The following TMEM74 variants were observed in gnomAD, a reference collection of about 807,000 sequenced individuals.
TMEM74 encodes transmembrane protein 74.
Under a neutral mutation model 18.1 loss-of-function variants are expected in TMEM74, and 13 were observed. The ratio of observed to expected loss-of-function variants is 0.72; its 90% CI spans 0.47 to 1.14. The LOEUF is 1.14. Among genes scored for constraint, TMEM74 ranks in the 50% most tolerant of loss-of-function variants. The probability of loss-of-function intolerance (pLI) is 0.00; values close to 1 mark genes in which losing one functional copy is unlikely to be tolerated. For missense variants in TMEM74, 372 were observed against 375.9 expected (o/e 0.99, Z 0.09); for synonymous variants, 159 against 146.6 (o/e 1.08, Z -0.61).
chr8:108,726,261 A>G (rs1813637692), intron 1 of TMEM74, among the ~76,000 whole-genome samples: 1 of 152,212 alleles, frequency 6.6e-6, no homozygotes, highest in African/African-American at 2.4e-5. Flanking sequence ...GGAGGAAAGC[A>G]TATAAATGAG....
intron 1 of TMEM74, among the ~76,000 whole-genome samples, chr8:108,715,282 G>A (rs924094020): frequency 6.6e-6 from 1 of 151,890 alleles, no homozygotes; most frequent in African/African-American, 2.4e-5. Flanking sequence ...CTAGTGGGAG[G>A]AGGGAGGCGA....
At chr8:108,629,281 A>G (rs1390689881) in intron 2 of TMEM74, among the ~76,000 whole-genome samples, 2 of 152,110 alleles carry the variant, frequency 1.3e-5, no homozygotes, top group African/African-American at 4.8e-5. Context: ...ACAAGATTAG[A>G]GAAAAAAGAA....
chr8:108,677,546 G>GTT (rs11294973), intron 1 of TMEM74, among the ~76,000 whole-genome samples: 3 of 144,862 alleles, frequency 2.1e-5, no homozygotes, highest in Non-Finnish European at 3.0e-5. Flanking sequence ...GTATTCTGTT[G>GTT]TTTTTTTTTT....
chr8:108,773,512 G>A (rs560616326), intron 1 of TMEM74, among the ~76,000 whole-genome samples: 25 of 152,228 alleles, frequency 1.6e-4, no homozygotes, highest in Middle Eastern at 3.4e-3. Context: ...CCCCTAAAAC[G>A]GTAGAGCCTA....
chr8:108,625,689 G>A (rs1182379784), intron 2 of TMEM74, among the ~76,000 whole-genome samples: 4 of 151,864 alleles, frequency 2.6e-5, no homozygotes, highest in Admixed American at 2.6e-4. Context: ...TGCCTACACT[G>A]TTGCCCACTA....
At chr8:108,754,647 GTAGGTAGGTAGGTAGCTAGGTAGC>G (rs1381003600) in intron 1 of TMEM74, among the ~76,000 whole-genome samples, 3 of 139,340 alleles carry the variant, frequency 2.2e-5, no homozygotes, top group African/African-American at 5.2e-5. Context: ...GGATAGGTAG[GTAGGTAGGTAGGTAGCTAGGTAGC>G]TAGGTAGCTA....
chr8:108,616,411 G>A (rs763905610), intron 2 of TMEM74, among the ~76,000 whole-genome samples: 10 of 152,178 alleles, frequency 6.6e-5, no homozygotes, highest in African/African-American at 2.4e-4. Flanking sequence ...TAGAATCCCA[G>A]TTGAACATTT....
intron 2 of TMEM74, among the ~76,000 whole-genome samples, chr8:108,648,315 A>T (rs1013439387): frequency 6.6e-6 from 1 of 152,110 alleles, no homozygotes; most frequent in Non-Finnish European, 1.5e-5. Flanking sequence ...TTTTATGAGC[A>T]TGAGCAAGCC....
At chr8:108,771,622 A>G (rs374457510) in intron 1 of TMEM74, among the ~76,000 whole-genome samples, 1 of 152,176 alleles carries the variant, frequency 6.6e-6, no homozygotes, top group East Asian at 1.9e-4. Context: ...CTTTATAAAC[A>G]TTTCTCCAGA....
chr8:108,719,244 T>G (rs1813560866), intron 1 of TMEM74, among the ~76,000 whole-genome samples: 1 of 152,062 alleles, frequency 6.6e-6, no homozygotes, highest in Non-Finnish European at 1.5e-5. Flanking sequence ...TGGGACCAGA[T>G]CTTTATGTTG....
intron 1 of TMEM74, among the ~76,000 whole-genome samples, chr8:108,684,627 G>A (rs1813149437): frequency 6.6e-6 from 1 of 150,588 alleles, no homozygotes. Context: ...GTGCTTTTAA[G>A]GTCTTATTCA....
At chr8:108,768,365 C>G (rs751361580) in intron 1 of TMEM74, among the ~76,000 whole-genome samples, 3 of 152,000 alleles carry the variant, frequency 2.0e-5, no homozygotes, top group Admixed American at 1.3e-4. Flanking sequence ...ATCTCTGGAC[C>G]CTTCCTAATC....
chr8:108,750,733 C>T (rs775900628), intron 1 of TMEM74, among the ~76,000 whole-genome samples: 21 of 152,076 alleles, frequency 1.4e-4, no homozygotes, highest in Non-Finnish European at 2.4e-4. Flanking sequence ...GAACACACTG[C>T]GCATACTCAA....
At chr8:108,758,760 A>T (rs534476885) in intron 1 of TMEM74, among the ~76,000 whole-genome samples, 78 of 152,176 alleles carry the variant, frequency 5.1e-4, no homozygotes, top group Non-Finnish European at 3.5e-4. Flanking sequence ...AAAATATTTT[A>T]AAAAATGTAT....
At chr8:108,681,321 A>G (rs1003458892) in intron 1 of TMEM74, among the ~76,000 whole-genome samples, 2 of 152,166 alleles carry the variant, frequency 1.3e-5, no homozygotes, top group African/African-American at 2.4e-5. Context: ...AAACAGAGAT[A>G]TAGATCAATG....
chr8:108,763,832 T>C (rs753449525), intron 1 of TMEM74, among the ~76,000 whole-genome samples: 10 of 152,164 alleles, frequency 6.6e-5, no homozygotes, highest in Non-Finnish European at 1.5e-4. Flanking sequence ...ATTTGCATAG[T>C]CTCAGGATTA....
chr8:108,712,126 A>G (rs1208718378), intron 1 of TMEM74, among the ~76,000 whole-genome samples: 2 of 152,074 alleles, frequency 1.3e-5, no homozygotes, highest in Non-Finnish European at 2.9e-5. Flanking sequence ...GGGGCTTGCA[A>G]TGTGTGTTTT....
chr8:108,723,064 C>T (rs528012620), intron 1 of TMEM74, among the ~76,000 whole-genome samples: 10 of 152,242 alleles, frequency 6.6e-5, no homozygotes, highest in African/African-American at 2.4e-4. Context: ...CATCTCTTTC[C>T]TGGGCTGGGT....
intron 1 of TMEM74, among the ~76,000 whole-genome samples, chr8:108,772,654 G>A (rs1345246775): frequency 6.6e-6 from 1 of 152,124 alleles, no homozygotes; most frequent in African/African-American, 2.4e-5. Context: ...AAGAACTACA[G>A]AAGTAAATGG....
Sources: gnomAD v4.1 joint callset for allele counts (sites outside exome capture counted in the v4.1 genomes callset) on GRCh38, gnomAD v4.1.1 for gene constraint, MANE v1.5 for transcripts, NCBI Gene and HGNC (gene_info 2026-07-23, HGNC 2026-07-21) for gene names.